SFMBT1: variants seen among roughly 807,000 people sequenced by gnomAD.
The protein encoded by SFMBT1 is scm-like with four MBT domains protein 1.
Under a neutral mutation model 108.7 loss-of-function variants are expected in SFMBT1, and 32 were observed. That is an observed-to-expected ratio of 0.29 (90% CI 0.22 to 0.40). The LOEUF (loss-of-function observed/expected upper bound fraction) is 0.40, where lower values mean the gene tolerates loss of function less well. SFMBT1 is among the 10% of genes least tolerant of loss of function. The pLI is 1.00. For missense variants in SFMBT1, 816 were observed against 1,059.6 expected, an observed-to-expected ratio of 0.77 and a Z score of 3.19; for synonymous variants, 348 against 369.5, an observed-to-expected ratio of 0.94 and a Z score of 0.67.
At chr3:52,968,628 C>T (rs1244247713) in intron 2 of SFMBT1, among the ~76,000 whole-genome samples, 1 of 137,762 alleles carries the variant, frequency 7.3e-6, no homozygotes, top group African/African-American at 2.7e-5. Flanking sequence ...GAGAAGGAGT[C>T]TCGCTCTGTT....
intron 15 of SFMBT1, 143 bp downstream of exon 15, chr3:52,913,335 C>T: frequency 9.9e-7 from 1 of 1,006,470 alleles, no homozygotes; most frequent in Non-Finnish European, 1.4e-6. Flanking sequence ...ATACCCTCTT[C>T]ACTGTCCAAA....
intron 1 of SFMBT1, among the ~76,000 whole-genome samples, chr3:53,032,693 CTCTGTGCTAGGT>C (rs1305939198): frequency 2.0e-5 from 3 of 152,196 alleles, no homozygotes; most frequent in African/African-American, 7.2e-5. Flanking sequence ...TTAGTGTCTA[CTCTGTGCTAGGT>C]TGTGTGCAAG....
intron 3 of SFMBT1, among the ~76,000 whole-genome samples, chr3:52,946,741 C>T (rs1272173822): frequency 6.6e-6 from 1 of 151,844 alleles, no homozygotes; most frequent in African/African-American, 2.4e-5. Context: ...AATTTAGTTT[C>T]CCAATAGCAT....
intron 1 of SFMBT1, among the ~76,000 whole-genome samples, chr3:53,024,084 A>C (rs1320452810): frequency 1.3e-5 from 2 of 152,208 alleles, no homozygotes; most frequent in Non-Finnish European, 2.9e-5. Flanking sequence ...AGGATAAATA[A>C]ATAAAACACA....
chr3:53,045,579 A>G (rs1391574133), intron 1 of SFMBT1, among the ~76,000 whole-genome samples: 3 of 139,312 alleles, frequency 2.2e-5, no homozygotes, highest in African/African-American at 7.8e-5. Context: ...GGCGCGCGGG[A>G]CCGCGGGGCC....
At chr3:52,917,503 C>T (rs2336162) in intron 13 of SFMBT1, among the ~76,000 whole-genome samples, 107,270 of 151,910 alleles carry the variant, frequency 0.71, 38,314 homozygotes, top group South Asian at 0.87. Context: ...CTACCAGCAC[C>T]TTGATCTTGG....
intron 1 of SFMBT1, among the ~76,000 whole-genome samples, chr3:53,000,097 C>T (rs1575429535): frequency 6.7e-6 from 1 of 149,956 alleles, no homozygotes; most frequent in Admixed American, 6.7e-5. Flanking sequence ...TTCCTGACCT[C>T]GTGATCCGCC....
chr3:53,021,820 A>T (rs1267746175), intron 1 of SFMBT1, among the ~76,000 whole-genome samples: 1 of 152,194 alleles, frequency 6.6e-6, no homozygotes, highest in Non-Finnish European at 1.5e-5. Context: ...AAAAGAGAAA[A>T]AGCACGCAGA....
chr3:52,937,973 C>G (rs932129391), intron 4 of SFMBT1, among the ~76,000 whole-genome samples: 6 of 152,106 alleles, frequency 3.9e-5, no homozygotes, highest in African/African-American at 1.4e-4. Flanking sequence ...CAAGTCTGTA[C>G]ACATTTTTCT....
chr3:52,976,866 A>G (rs1704536645), intron 1 of SFMBT1, among the ~76,000 whole-genome samples: 1 of 152,222 alleles, frequency 6.6e-6, no homozygotes, highest in Non-Finnish European at 1.5e-5. Flanking sequence ...AACAGCTAAA[A>G]TTTTATTTTT....
chr3:52,906,675 T>C (rs1415288758), intron 19 of SFMBT1, among the ~76,000 whole-genome samples: 4 of 152,252 alleles, frequency 2.6e-5, no homozygotes, highest in African/African-American at 7.2e-5. Flanking sequence ...CATATGTATA[T>C]AGTAAATAAT....
At chr3:52,982,196 A>G (rs749382249) in intron 1 of SFMBT1, among the ~76,000 whole-genome samples, 7 of 152,194 alleles carry the variant, frequency 4.6e-5, no homozygotes, top group Non-Finnish European at 8.8e-5. Flanking sequence ...AAGGACTGTC[A>G]ACACTATGCA....
At chr3:53,036,996 G>A (rs780256375) in intron 1 of SFMBT1, among the ~76,000 whole-genome samples, 2 of 152,148 alleles carry the variant, frequency 1.3e-5, no homozygotes, top group Non-Finnish European at 2.9e-5. Flanking sequence ...AAAAGACGAG[G>A]CATAGGGAGA....
intron 3 of SFMBT1, among the ~76,000 whole-genome samples, chr3:52,945,565 T>C (rs1360186640): frequency 6.6e-6 from 1 of 151,944 alleles, no homozygotes; most frequent in Admixed American, 6.6e-5. Flanking sequence ...CCCAGTACTT[T>C]GGGAGGCCGA....
chr3:53,029,913 C>G (rs1212270487), intron 1 of SFMBT1, among the ~76,000 whole-genome samples: 1 of 151,760 alleles, frequency 6.6e-6, no homozygotes, highest in African/African-American at 2.4e-5. Context: ...GGCAGGGAGG[C>G]TGGAGAACAG....
At chr3:52,964,900 T>C (rs911018135) in intron 2 of SFMBT1, among the ~76,000 whole-genome samples, 17 of 152,160 alleles carry the variant, frequency 1.1e-4, no homozygotes, top group African/African-American at 3.9e-4. Context: ...TATACGTACT[T>C]AAATACATGA....
At chr3:52,960,267 C>T (rs115039820) in intron 2 of SFMBT1, among the ~76,000 whole-genome samples, 1 of 151,880 alleles carries the variant, frequency 6.6e-6, no homozygotes, top group Non-Finnish European at 1.5e-5. Flanking sequence ...GAAAAGAATA[C>T]GTATCAACTT....
Position 53,030,454 on chromosome 3 carries a change from A to G in SFMBT1, c.-131+15362T>C, listed in dbSNP as rs375377194. Among the ~76,000 whole-genome samples, 6 of 152,302 alleles carry G rather than the reference A, an allele frequency of 3.9e-5. 1 individual carries two copies. In the East Asian group the frequency reaches 7.7e-4, roughly 20 times the overall value. On this transcript the variant is annotated intron_variant, in intron 1 of 20. Coordinates refer to ENST00000394752, the MANE Select transcript of SFMBT1 (RefSeq NM_016329.4). ...CTATGTATGTGTATCCCTGTTTAAA[A>G]TGTTTTAAAGGCGTACTTAAGTCTG...
At chr3:52,985,677 G>A (rs1177900970) in intron 1 of SFMBT1, among the ~76,000 whole-genome samples, 1 of 152,124 alleles carries the variant, frequency 6.6e-6, no homozygotes, top group African/African-American at 2.4e-5. Flanking sequence ...GAACATCATA[G>A]GGTATACTTA....
Sources: allele counts gnomAD v4.1 joint callset (sites outside exome capture counted in the v4.1 genomes callset), GRCh38; gene constraint gnomAD v4.1.1; transcripts MANE v1.5; gene names NCBI Gene and HGNC (gene_info 2026-07-23, HGNC 2026-07-21).